The following DPF3 variants were observed in gnomAD, a reference collection of about 807,000 sequenced individuals.
The protein encoded by DPF3 is zinc finger protein DPF3.
In DPF3, 18 loss-of-function variants were observed where a neutral mutation model predicts 56.8. That is an observed-to-expected ratio of 0.32 (90% CI 0.22 to 0.47). The LOEUF is 0.47. Ranked by LOEUF, DPF3 falls within the 20% of genes least tolerant of loss-of-function variation. DPF3 has a pLI of 1.00. For missense variants in DPF3, 403 were observed against 488.8 expected, an observed-to-expected ratio of 0.82 and a Z score of 1.65; for synonymous variants, 188 against 180.2, an observed-to-expected ratio of 1.04 and a Z score of -0.35.
At chr14:72,734,317 A>G (rs1010448917) in intron 3 of DPF3, among the ~76,000 whole-genome samples, 2 of 152,246 alleles carry the variant, frequency 1.3e-5, no homozygotes, top group African/African-American at 4.8e-5. Context: ...CTGTATGATG[A>G]AGTTACATTT....
intron 4 of DPF3, among the ~76,000 whole-genome samples, chr14:72,728,976 C>T (rs1296568817): frequency 1.3e-5 from 2 of 151,940 alleles, no homozygotes; most frequent in Non-Finnish European, 1.5e-5. Context: ...GGCCAGGCAC[C>T]GTGGCTCATG....
At chr14:72,759,266 G>GA (rs1194296038) in intron 2 of DPF3, among the ~76,000 whole-genome samples, 1 of 151,338 alleles carries the variant, frequency 6.6e-6, no homozygotes. Context: ...AAACCCACAG[G>GA]AAAAAACAGA....
At chr14:72,710,690 A>G (rs1412611617) in intron 6 of DPF3, among the ~76,000 whole-genome samples, 2 of 152,218 alleles carry the variant, frequency 1.3e-5, no homozygotes, top group Non-Finnish European at 2.9e-5. Flanking sequence ...GTCCGGGCCT[A>G]CACTTTCACA....
intron 1 of DPF3, chr14:72,892,379 G>T: frequency 6.6e-7 from 1 of 1,524,806 alleles, no homozygotes; most frequent in Non-Finnish European, 8.8e-7. Context: ...GCGTTCAAGC[G>T]CAGTGTATCC....
At chr14:72,804,190 C>T (rs1020533369) in intron 1 of DPF3, among the ~76,000 whole-genome samples, 1 of 131,252 alleles carries the variant, frequency 7.6e-6, no homozygotes, top group African/African-American at 2.5e-5. Flanking sequence ...GACACACACA[C>T]ACACACACAC....
At chr14:72,670,286 C>T in intron 8 of DPF3, 1 of 985,970 alleles carries the variant, frequency 1.0e-6, no homozygotes, top group Non-Finnish European at 1.2e-6. Flanking sequence ...TATTCCATCC[C>T]TGCATTTGGA....
chr14:72,811,172 ACGGTGCTAAGC>A (rs1883029387), intron 1 of DPF3, among the ~76,000 whole-genome samples: 3 of 152,184 alleles, frequency 2.0e-5, no homozygotes, highest in Admixed American at 2.0e-4. Flanking sequence ...CACCAAGTGG[ACGGTGCTAAGC>A]CATTCGTGAG....
At chr14:72,626,632 TG>T (rs1884845810) in intron 9 of DPF3, among the ~76,000 whole-genome samples, 2 of 152,148 alleles carry the variant, frequency 1.3e-5, no homozygotes, top group African/African-American at 4.8e-5. Context: ...TAATGAACAA[TG>T]CTACCACAAA....
intron 8 of DPF3, among the ~76,000 whole-genome samples, chr14:72,638,662 A>G (rs1284754748): frequency 6.6e-6 from 1 of 152,062 alleles, no homozygotes; most frequent in African/African-American, 2.4e-5. Flanking sequence ...TAGCATTCTA[A>G]TTTTTTCTTC....
chr14:72,621,252 G>A (rs1227494227), intron 9 of DPF3, among the ~76,000 whole-genome samples: 1 of 152,042 alleles, frequency 6.6e-6, no homozygotes, highest in Non-Finnish European at 1.5e-5. Context: ...GCCCTTGGGG[G>A]CAAAATCTTG....
At chr14:72,725,794 C>T (rs894557669) in intron 4 of DPF3, among the ~76,000 whole-genome samples, 3 of 152,274 alleles carry the variant, frequency 2.0e-5, no homozygotes, top group Non-Finnish European at 4.4e-5. Flanking sequence ...CAGTGATCTT[C>T]CACCACTGCC....
At chr14:72,892,891 C>T (rs1024077190) in intron 1 of DPF3, among the ~76,000 whole-genome samples, 6 of 152,144 alleles carry the variant, frequency 3.9e-5, no homozygotes, top group Non-Finnish European at 7.4e-5. Flanking sequence ...CCGAGGCCAC[C>T]CCTGGCTCCG....
chr14:72,819,461 C>T (rs2140031611), intron 1 of DPF3, among the ~76,000 whole-genome samples: 1 of 152,004 alleles, frequency 6.6e-6, no homozygotes, highest in South Asian at 2.1e-4. Flanking sequence ...TGTCCATCAA[C>T]TGGTGAATGA....
chr14:72,788,198 C>T, intron 1 of DPF3, among the ~76,000 whole-genome samples: 1 of 152,206 alleles, frequency 6.6e-6, no homozygotes, highest in East Asian at 1.9e-4. Flanking sequence ...TCTTGGAAAA[C>T]TCCTCCTCCC....
Position 72,694,865 on chromosome 14 carries a change from T to G in DPF3, c.605-1652A>C, listed in dbSNP as rs537705712. Among the ~76,000 whole-genome samples the G allele has an allele frequency of 1.3e-4, 20 of 152,360 alleles. No homozygotes were observed. The South Asian group carries it at 4.1e-3, about 32-fold the overall frequency. On this transcript the variant is annotated intron_variant, in intron 6 of 10. Coordinates refer to ENST00000556509, the MANE Select transcript of DPF3 (RefSeq NM_001280542.3). ...TAGGAGAATTTTATCAACTACCCTT[T>G]CAGCATCTACTATAATATGATTCTC...
At chr14:72,661,853 GC>G (rs1437784753) in intron 8 of DPF3, 1 of 899,620 alleles carries the variant, frequency 1.1e-6, no homozygotes, top group African/African-American at 3.0e-5. Flanking sequence ...TTTTATTTTT[GC>G]TTTTTTTTTT....
At chr14:72,817,013 C>T (rs1193739808) in intron 1 of DPF3, among the ~76,000 whole-genome samples, 4 of 152,202 alleles carry the variant, frequency 2.6e-5, no homozygotes, top group Admixed American at 6.5e-5. Context: ...CACCAGCAAC[C>T]ATTTTCATTC....
intron 1 of DPF3, among the ~76,000 whole-genome samples, chr14:72,893,172 C>T (rs541210450): frequency 7.9e-5 from 12 of 152,256 alleles, no homozygotes; most frequent in African/African-American, 2.9e-4. Flanking sequence ...GCACCTGCCC[C>T]TCGCCCGGCC....
intron 7 of DPF3, among the ~76,000 whole-genome samples, chr14:72,687,622 G>A (rs1887509689): frequency 6.6e-6 from 1 of 152,094 alleles, no homozygotes; most frequent in African/African-American, 2.4e-5. Flanking sequence ...GTCTGAATGT[G>A]CCATGCTATC....
Sources: allele counts gnomAD v4.1 joint callset (sites outside exome capture counted in the v4.1 genomes callset), GRCh38; gene constraint gnomAD v4.1.1; transcripts MANE v1.5; gene names NCBI Gene and HGNC (gene_info 2026-07-23, HGNC 2026-07-21).